Variants in GALNTL6 observed in about 807,000 individuals in gnomAD.
GALNTL6 encodes polypeptide N-acetylgalactosaminyltransferase-like 6.
In GALNTL6, 46 loss-of-function variants were observed where a neutral mutation model predicts 73.7. The observed-to-expected ratio is 0.62, with a 90% CI of 0.49 to 0.80. GALNTL6 has a LOEUF of 0.80. Ranked by LOEUF, GALNTL6 falls within the 30% of genes least tolerant of loss-of-function variation. GALNTL6 has a pLI of 0.00. For missense variants in GALNTL6, 604 were observed against 755.0 expected (o/e 0.80, Z 2.34); for synonymous variants, 259 against 263.7 (o/e 0.98, Z 0.17).
intron 5 of GALNTL6, among the ~76,000 whole-genome samples, chr4:172,549,323 C>T (rs1265998898): frequency 6.6e-6 from 1 of 152,132 alleles, no homozygotes; most frequent in Non-Finnish European, 1.5e-5. Context: ...ATTTTTCTGA[C>T]ACTCTTACCA....
At position 171,942,241 on chromosome 4, in the gene GALNTL6, GATAAATAA is replaced by G. The variant is rs994011783; in HGVS notation, c.138+127543_138+127550del. Among the ~76,000 whole-genome samples the G allele has an allele frequency of 5.3e-4, 16 of 30,206 alleles. 1 individual carries two copies. The South Asian group carries it at 0.021, about 39-fold the overall frequency. 19.8% of individuals were successfully genotyped at this position (30,206 alleles called of 152,430 possible). On this transcript the variant is annotated intron_variant, in intron 2 of 12. Coordinates refer to ENST00000506823, the MANE Select transcript of GALNTL6 (RefSeq NM_001034845.3). ...CCCGGTCTCCAATAAAAAATAAATAGATAAATAAATAAATAAATAAATAAATATAATAT... is the reference window on the plus strand; with the variant it reads ...CCCGGTCTCCAATAAAAAATAAATAGATAAATAAATAAATAAATATAATAT...
intron 2 of GALNTL6, among the ~76,000 whole-genome samples, chr4:171,943,452 C>A (rs1477373053): frequency 1.3e-5 from 2 of 152,162 alleles, no homozygotes; most frequent in Non-Finnish European, 2.9e-5. Flanking sequence ...CTTAATACAG[C>A]AAAATTTAGA....
rs554526790 is a variant in GALNTL6, at chr4:172,156,236, G to C, written c.139-73420G>C. On this transcript the variant is annotated intron_variant, in intron 2 of 12. Coordinates refer to ENST00000506823, the MANE Select transcript of GALNTL6 (RefSeq NM_001034845.3). ...GATCTTCAGCGGGTATGTGTCTCTC[G>C]GCCAGCTTTCTTCCTGTTTCTGCTA... 1.7e-3 allele frequency among the ~76,000 whole-genome samples: 255 copies of C among 151,988 alleles called. 1 individual carries two copies. Among genetic ancestry groups the C allele is most frequent in the African/African-American group, 5.5e-3 (230 of 41,450 alleles).
At chr4:172,380,358 C>T (rs969941676) in intron 5 of GALNTL6, 3 of 699,344 alleles carry the variant, frequency 4.3e-6, no homozygotes, top group Non-Finnish European at 8.2e-6. Context: ...CAGTGGGAAT[C>T]CCAGGGACTG....
intron 2 of GALNTL6, among the ~76,000 whole-genome samples, chr4:172,219,222 T>TATATATATATATATATATATATAA (rs1483226525): frequency 1.4e-5 from 2 of 141,884 alleles, no homozygotes; most frequent in African/African-American, 2.5e-5. Context: ...TATATATATA[T>TATATATATATATATATATATATAA]AATCCTTCTG....
intron 2 of GALNTL6, among the ~76,000 whole-genome samples, chr4:171,954,524 T>C (rs149599178): frequency 0.02 from 2,984 of 152,240 alleles, 99 homozygotes; most frequent in African/African-American, 0.068. Flanking sequence ...AGTTAAAATA[T>C]GCAAAATTAA....
Position 172,721,293 on chromosome 4 carries a change from T to C in GALNTL6, c.554-88068T>C, listed in dbSNP as rs369141334. Among the ~76,000 whole-genome samples, 24 of 152,190 alleles carry C rather than the reference T, an allele frequency of 1.6e-4. No individual in the cohort carries two copies. In the East Asian group the frequency reaches 2.3e-3, roughly 15 times the overall value. ...TGATAACCCTTGGAAACCAAATACT[T>C]GGAAGAAAAGGCAAGGGTAAAGAGA... is the stretch of plus-strand genomic sequence containing the variant. On this transcript the variant is annotated intron_variant, in intron 5 of 12. Coordinates refer to ENST00000506823, the MANE Select transcript of GALNTL6 (RefSeq NM_001034845.3).
intron 12 of GALNTL6, among the ~76,000 whole-genome samples, chr4:173,035,127 G>A (rs1031860141): frequency 3.3e-5 from 5 of 149,760 alleles, no homozygotes; most frequent in Non-Finnish European, 7.4e-5. Context: ...TAAGTTCTAG[G>A]GTACATGTGC....
At chr4:172,755,022 T>C (rs765229627) in intron 5 of GALNTL6, among the ~76,000 whole-genome samples, 2 of 152,096 alleles carry the variant, frequency 1.3e-5, no homozygotes, top group Non-Finnish European at 2.9e-5. Flanking sequence ...AAGTAATGCT[T>C]GATGGGGACT....
intron 5 of GALNTL6, among the ~76,000 whole-genome samples, chr4:172,739,795 TAA>T: frequency 6.6e-6 from 1 of 151,976 alleles, no homozygotes. Flanking sequence ...CATAGAGTCA[TAA>T]GTTATAGAAT....
chr4:172,236,149 C>G (rs1327766380), intron 3 of GALNTL6, among the ~76,000 whole-genome samples: 2 of 152,264 alleles, frequency 1.3e-5, no homozygotes, highest in East Asian at 3.9e-4. Flanking sequence ...TCCAGTGTTT[C>G]ACATTGTATT....
At chr4:172,529,163 G>A (rs1735084380) in intron 5 of GALNTL6, among the ~76,000 whole-genome samples, 1 of 150,566 alleles carries the variant, frequency 6.6e-6, no homozygotes, top group African/African-American at 2.4e-5. Flanking sequence ...GTGCCTACTG[G>A]GTGATAATGT....
At chr4:173,029,175 T>C (rs938596823) in intron 12 of GALNTL6, among the ~76,000 whole-genome samples, 3 of 152,220 alleles carry the variant, frequency 2.0e-5, no homozygotes, top group African/African-American at 4.8e-5. Flanking sequence ...GTAATTCAAC[T>C]CTGGTTCTGA....
At chr4:172,357,550 T>C (rs1302341859) in intron 5 of GALNTL6, among the ~76,000 whole-genome samples, 5 of 151,844 alleles carry the variant, frequency 3.3e-5, no homozygotes, top group South Asian at 4.2e-4. Context: ...CATCCTTTAT[T>C]TTCTCATCTT....
At chr4:172,595,314 C>T (rs1355854803) in intron 5 of GALNTL6, among the ~76,000 whole-genome samples, 1 of 152,066 alleles carries the variant, frequency 6.6e-6, no homozygotes, top group Admixed American at 6.6e-5. Flanking sequence ...TATTTTAATA[C>T]CTTTTAAGTG....
intron 3 of GALNTL6, among the ~76,000 whole-genome samples, chr4:172,272,395 G>A (rs191614164): frequency 6.6e-6 from 1 of 152,336 alleles, no homozygotes; most frequent in Non-Finnish European, 1.5e-5. Context: ...CACAAGTCTA[G>A]ATGGTATAGC....
chr4:172,196,362 G>A (rs1344208273), intron 2 of GALNTL6, among the ~76,000 whole-genome samples: 1 of 152,136 alleles, frequency 6.6e-6, no homozygotes, highest in Non-Finnish European at 1.5e-5. Flanking sequence ...AATTCTACCA[G>A]AGGTACAAAG....
At chr4:172,142,771 G>T (rs1019486881) in intron 2 of GALNTL6, among the ~76,000 whole-genome samples, 5 of 151,904 alleles carry the variant, frequency 3.3e-5, no homozygotes, top group Non-Finnish European at 7.4e-5. Flanking sequence ...AGGTTACAAT[G>T]AGTTCATATT....
At chr4:172,865,863 C>G (rs1012404054) in intron 7 of GALNTL6, among the ~76,000 whole-genome samples, 1 of 152,144 alleles carries the variant, frequency 6.6e-6, no homozygotes, top group African/African-American at 2.4e-5. Flanking sequence ...TATGTCAAAT[C>G]AAACATGCCC....
Sources: gnomAD v4.1 joint callset for allele counts (sites outside exome capture counted in the v4.1 genomes callset) on GRCh38, gnomAD v4.1.1 for gene constraint, MANE v1.5 for transcripts, NCBI Gene and HGNC (gene_info 2026-07-23, HGNC 2026-07-21) for gene names.